ILRUN: variants seen among roughly 807,000 people sequenced by gnomAD.
ILRUN encodes the protein inflammation and lipid regulator with UBA-like and NBR1-like domains.
ILRUN carries 3 observed loss-of-function variants against 33.8 expected under a neutral mutation model. That is an observed-to-expected ratio of 0.09 (90% CI 0.04 to 0.23). ILRUN has a LOEUF of 0.23. Among genes scored for constraint, ILRUN ranks in the 10% least tolerant of loss-of-function variants. The probability of loss-of-function intolerance (pLI) is 1.00; values close to 1 mark genes in which losing one functional copy is unlikely to be tolerated. For missense variants in ILRUN, 210 were observed against 375.1 expected, an observed-to-expected ratio of 0.56 and a Z score of 3.64; for synonymous variants, 124 against 138.9, an observed-to-expected ratio of 0.89 and a Z score of 0.75.
intron 3 of ILRUN, among the ~76,000 whole-genome samples, chr6:34,625,164 T>C (rs1379778230): frequency 6.6e-6 from 1 of 152,200 alleles, no homozygotes; most frequent in East Asian, 1.9e-4. Flanking sequence ...TAATGTTTCT[T>C]CTTTTTCCCT....
rs1376301974 is a variant in ILRUN at position 34,696,562 on chromosome 6, C to T, written c.42G>A (p.Gln14=). 1 of 1,612,852 alleles carries T rather than the reference C, an allele frequency of 6.2e-7. No homozygotes were observed. Among genetic ancestry groups the T allele is most frequent in the African/African-American group, 1.3e-5 (1 of 74,922 alleles). The change falls in exon 1 of 5, where the codon CAG becomes CAA. Residue 14 remains glutamine (Q), a synonymous_variant. Coordinates refer to ENST00000374023, the MANE Select transcript of ILRUN (RefSeq NM_024294.4). ...CGGTGGTGCCCAGGCAGCTGAACTT[C>T]TGCATCAGCTCCGGGTCCAGGTCTA... ...MDVDLDPELM[Q]KFSCLGTTDK...
intron 4 of ILRUN, among the ~76,000 whole-genome samples, chr6:34,597,974 A>C (rs1404603732): frequency 6.6e-6 from 1 of 152,174 alleles, no homozygotes; most frequent in African/African-American, 2.4e-5. Flanking sequence ...GGCCGTCCCC[A>C]AATTCCTATT....
At chr6:34,667,300 A>C (rs544988526) in intron 1 of ILRUN, among the ~76,000 whole-genome samples, 2 of 152,346 alleles carry the variant, frequency 1.3e-5, no homozygotes, top group South Asian at 2.1e-4. Context: ...AGGCAAATAC[A>C]CTTAGGCTCA....
chr6:34,679,721 GCAGA>G (rs1763317150), intron 1 of ILRUN, among the ~76,000 whole-genome samples: 1 of 152,142 alleles, frequency 6.6e-6, no homozygotes, highest in African/African-American at 2.4e-5. Flanking sequence ...TAGGGTCTTT[GCAGA>G]TGTAATCAGT....
chr6:34,654,082 A>T (rs1182025536), intron 2 of ILRUN, among the ~76,000 whole-genome samples: 17 of 151,260 alleles, frequency 1.1e-4, no homozygotes, highest in Admixed American at 1.1e-3. Context: ...GCAAATTCCC[A>T]TATTTCCTAC....
intron 3 of ILRUN, among the ~76,000 whole-genome samples, chr6:34,628,623 C>G (rs1289586292): frequency 6.6e-6 from 1 of 152,192 alleles, no homozygotes; most frequent in Non-Finnish European, 1.5e-5. Flanking sequence ...TGAGCCACCA[C>G]GCCCGGCCCA....
intron 1 of ILRUN, among the ~76,000 whole-genome samples, chr6:34,694,540 A>G (rs926432669): frequency 1.3e-5 from 2 of 152,214 alleles, no homozygotes; most frequent in African/African-American, 4.8e-5. Flanking sequence ...ACTAAACACC[A>G]CAGGTTAGCT....
chr6:34,677,009 A>T (rs915184478), intron 1 of ILRUN, among the ~76,000 whole-genome samples: 3 of 152,024 alleles, frequency 2.0e-5, no homozygotes, highest in African/African-American at 7.2e-5. Flanking sequence ...AAAAAAAAAA[A>T]AAAAAAAGAA....
chr6:34,645,570 C>CT (rs1191153215), intron 3 of ILRUN, among the ~76,000 whole-genome samples: 1 of 152,092 alleles, frequency 6.6e-6, no homozygotes, highest in African/African-American at 2.4e-5. Flanking sequence ...CAGGGTCTCT[C>CT]TGTTTTGCCC....
At chr6:34,690,065 GTTAATGTATAA>G (rs1763614306) in intron 1 of ILRUN, among the ~76,000 whole-genome samples, 1 of 152,082 alleles carries the variant, frequency 6.6e-6, no homozygotes, top group Non-Finnish European at 1.5e-5. Flanking sequence ...TAACTCCTAA[GTTAATGTATAA>G]AAATCTAGAA....
chr6:34,635,753 G>C (rs1582065914), intron 3 of ILRUN, among the ~76,000 whole-genome samples: 1 of 151,818 alleles, frequency 6.6e-6, no homozygotes, highest in African/African-American at 2.4e-5. Flanking sequence ...CTCCCAAGTA[G>C]CTGGGATTAC....
At chr6:34,616,542 A>G in intron 3 of ILRUN, 2 of 1,191,946 alleles carry the variant, frequency 1.7e-6, no homozygotes, top group East Asian at 4.7e-5. Context: ...GGAACCATGG[A>G]GGGTGTCGAA....
At chr6:34,623,866 C>G (rs1437217745) in intron 3 of ILRUN, among the ~76,000 whole-genome samples, 4 of 152,200 alleles carry the variant, frequency 2.6e-5, no homozygotes, top group Admixed American at 2.0e-4. Context: ...GAGTCTCACT[C>G]TGTTGCCCAG....
intron 1 of ILRUN, among the ~76,000 whole-genome samples, chr6:34,683,383 C>G (rs1416247034): frequency 7.1e-6 from 1 of 140,504 alleles, no homozygotes; most frequent in Non-Finnish European, 1.5e-5. Context: ...ATAGAAAATT[C>G]TGTTATATAT....
intron 3 of ILRUN, among the ~76,000 whole-genome samples, chr6:34,623,822 C>T (rs1448221384): frequency 1.3e-5 from 2 of 152,048 alleles, no homozygotes; most frequent in African/African-American, 4.8e-5. Context: ...GGTATTCTTA[C>T]TCCTCCAATA....
chr6:34,681,845 ATTT>A lies in ILRUN; in HGVS notation c.158+14598_158+14600del, dbSNP rs1168522578. Among the ~76,000 whole-genome samples, 604 of 85,372 alleles carry A rather than the reference ATTT, an allele frequency of 7.1e-3. 3 individuals carry two copies. Among genetic ancestry groups the A allele is most frequent in the African/African-American group, 0.023 (508 of 21,706 alleles). The allele number at this position is 85,372 out of a possible 152,430, so 56.0% of individuals were successfully genotyped here. On this transcript the variant is annotated intron_variant, in intron 1 of 4. Transcript: ENST00000374023. ...TCAAATGACCAAAGTCCACCACTACATTTTTTTTTTTTTTTTTTTTTTTTTGAG... is the reference window on the plus strand; with the variant it reads ...TCAAATGACCAAAGTCCACCACTACATTTTTTTTTTTTTTTTTTTTTTGAG...
intron 2 of ILRUN, among the ~76,000 whole-genome samples, chr6:34,648,529 A>G (rs960968745): frequency 4.6e-5 from 7 of 152,186 alleles, no homozygotes; most frequent in African/African-American, 1.7e-4. Context: ...AAAATGTCCT[A>G]AGTTAACCCT....
chr6:34,616,994 A>G lies in ILRUN; in HGVS notation c.512-10090T>C. The G allele has an allele frequency of 9.2e-6, 5 of 545,604 alleles. 1 individual carries two copies. The highest frequency in any genetic ancestry group is 5.7e-5 in the South Asian group (4 of 70,698). 33.8% of individuals were successfully genotyped at this position (545,604 alleles called of 1,614,324 possible). A position where few individuals can be genotyped will look rare whatever the true frequency, so the allele number is the denominator to read the frequency against. On this transcript the variant is annotated intron_variant, in intron 3 of 4. Coordinates refer to ENST00000374023, the MANE Select transcript of ILRUN (RefSeq NM_024294.4). The stretch of plus-strand genomic sequence containing the variant: ...ACTAATCTACAAGCATGGTTATGGC[A>G]AAATCAATAAGAAGTGAGTTGCTCT...
chr6:34,636,781 C>T (rs1482198985), intron 3 of ILRUN, among the ~76,000 whole-genome samples: 1 of 152,120 alleles, frequency 6.6e-6, no homozygotes, highest in Non-Finnish European at 1.5e-5. Context: ...GTCAATTATG[C>T]TTACTTCCTT....
Sources: gnomAD v4.1 joint callset for allele counts (sites outside exome capture counted in the v4.1 genomes callset) on GRCh38, gnomAD v4.1.1 for gene constraint, MANE v1.5 for transcripts, NCBI Gene and HGNC (gene_info 2026-07-23, HGNC 2026-07-21) for gene names.